DOCK10: variants seen among roughly 807,000 people sequenced by gnomAD.
DOCK10 encodes the protein dedicator of cytokinesis 10, also known as dedicator of cytokinesis protein 10.
DOCK10 carries 145 observed loss-of-function variants against 280.1 expected under a neutral mutation model. That is an observed-to-expected ratio of 0.52 (90% CI 0.45 to 0.59). DOCK10 has a LOEUF of 0.59. Among genes scored for constraint, DOCK10 ranks in the 20% least tolerant of loss-of-function variants. The probability of loss-of-function intolerance (pLI) is 0.00; values close to 1 mark genes in which losing one functional copy is unlikely to be tolerated. For synonymous variants in DOCK10, 915 were observed against 942.2 expected (o/e 0.97, Z 0.53); for missense variants, 2,368 against 2,651.7 (o/e 0.89, Z 2.35).
chr2:225,016,631 ACATATATCTAT>A (rs1559962980), intron 1 of DOCK10, among the ~76,000 whole-genome samples: 3,018 of 33,222 alleles, frequency 0.091, 365 homozygotes, highest in African/African-American at 0.28. Context: ...GCACATAGAT[ACATATATCTAT>A]GTGCACATAG....
chr2:224,824,522 T>C (rs543663101), intron 27 of DOCK10, among the ~76,000 whole-genome samples: 3 of 140,046 alleles, frequency 2.1e-5, no homozygotes, highest in African/African-American at 8.1e-5. Flanking sequence ...CTGCAACCTC[T>C]ACCTCCTCAG....
intron 13 of DOCK10, among the ~76,000 whole-genome samples, chr2:224,863,056 A>C (rs1043157341): frequency 6.6e-6 from 1 of 152,198 alleles, no homozygotes. Context: ...GTATTAGTAC[A>C]TTTACATTTA....
At chr2:224,867,736 T>A (rs1385739403) in intron 11 of DOCK10, among the ~76,000 whole-genome samples, 1 of 151,970 alleles carries the variant, frequency 6.6e-6, no homozygotes, top group Non-Finnish European at 1.5e-5. Context: ...GTAGGAAGCG[T>A]TTGTGGGAGA....
intron 1 of DOCK10, among the ~76,000 whole-genome samples, chr2:224,943,262 A>G (rs1267246280): frequency 6.6e-6 from 1 of 152,186 alleles, no homozygotes; most frequent in Admixed American, 6.5e-5. Context: ...TTTCTCAGAC[A>G]ATACACTTGA....
chr2:224,922,829 A>G (rs999380076), intron 2 of DOCK10, among the ~76,000 whole-genome samples: 1 of 152,210 alleles, frequency 6.6e-6, no homozygotes, highest in Non-Finnish European at 1.5e-5. Flanking sequence ...CCCCCTGTTC[A>G]AAAAGGAGGA....
chr2:224,894,160 T>C lies in DOCK10; in HGVS notation c.416+2135A>G, dbSNP rs570585050. On this transcript the variant is annotated intron_variant, in intron 4 of 55. Coordinates refer to ENST00000258390, the MANE Select transcript of DOCK10 (RefSeq NM_014689.3). Reference sequence around the variant, plus strand: ...ATTCTCAACAATACTTCAGTTAATTTTTTTTATTTCTTCTCATGAGATTAA... The same window carrying C: ...ATTCTCAACAATACTTCAGTTAATTCTTTTTATTTCTTCTCATGAGATTAA... Among the ~76,000 whole-genome samples the C allele has an allele frequency of 3.9e-5, 6 of 152,366 alleles. No individual in the cohort carries two copies. In the East Asian group the frequency reaches 1.2e-3, roughly 29 times the overall value.
At chr2:224,873,881 G>A in intron 11 of DOCK10, 115 bp downstream of exon 11, 1 of 1,081,112 alleles carries the variant, frequency 9.2e-7, no homozygotes, top group Non-Finnish European at 1.3e-6. Flanking sequence ...ATATTCCCTG[G>A]TACACTAGAG....
At chr2:224,925,100 G>A (rs571809248) in intron 2 of DOCK10, among the ~76,000 whole-genome samples, 14 of 151,836 alleles carry the variant, frequency 9.2e-5, no homozygotes, top group South Asian at 2.1e-4. Flanking sequence ...ACCAGGAGCC[G>A]TTTAAAAGCC....
At chr2:224,992,208 TG>T (rs1225246614) in intron 1 of DOCK10, among the ~76,000 whole-genome samples, 1 of 152,248 alleles carries the variant, frequency 6.6e-6, no homozygotes, top group Non-Finnish European at 1.5e-5. Context: ...TCTCTGTACT[TG>T]TTCTATTTTA....
intron 3 of DOCK10, among the ~76,000 whole-genome samples, chr2:224,902,621 T>C (rs1352850119): frequency 2.0e-5 from 3 of 152,128 alleles, no homozygotes; most frequent in South Asian, 4.2e-4. Context: ...CCTTAGAACA[T>C]GAGACTGTTC....
intron 23 of DOCK10, among the ~76,000 whole-genome samples, chr2:224,841,175 C>T (rs1695938183): frequency 6.6e-6 from 1 of 152,044 alleles, no homozygotes; most frequent in Non-Finnish European, 1.5e-5. Context: ...AGGAATATTG[C>T]ACAACATGGT....
rs371710976 is a variant in DOCK10, at chr2:224,895,991, C to T, written c.416+304G>A. On this transcript the variant is annotated intron_variant, in intron 4 of 55. Coordinates refer to ENST00000258390, the MANE Select transcript of DOCK10 (RefSeq NM_014689.3). ...AACTATTTGGCCATATGGTACTTTT[C>T]TAATCTTCTTGTGCCTGCTATTGAA... Among the ~76,000 whole-genome samples, 22 of 152,132 alleles carry T rather than the reference C, an allele frequency of 1.4e-4. 1 individual carries two copies. The highest frequency in any genetic ancestry group is 5.1e-4 in the African/African-American group (21 of 41,508).
chr2:224,901,653 C>T (rs946871820), intron 3 of DOCK10, among the ~76,000 whole-genome samples: 5 of 152,328 alleles, frequency 3.3e-5, no homozygotes, highest in Non-Finnish European at 7.3e-5. Flanking sequence ...CTGGGTCTCA[C>T]TTGAGATCCA....
At chr2:224,796,127 T>G (rs1403937478) in intron 44 of DOCK10, among the ~76,000 whole-genome samples, 189 bp downstream of exon 44, 1 of 152,010 alleles carries the variant, frequency 6.6e-6, no homozygotes, top group Admixed American at 6.6e-5. Flanking sequence ...GGTGCCATCA[T>G]AGCTCACTGC....
chr2:224,990,457 T>G (rs1706094560), intron 1 of DOCK10, among the ~76,000 whole-genome samples: 1 of 152,218 alleles, frequency 6.6e-6, no homozygotes, highest in African/African-American at 2.4e-5. Flanking sequence ...GCATCTAATA[T>G]TCACGTAAAG....
intron 47 of DOCK10, among the ~76,000 whole-genome samples, chr2:224,792,444 C>T (rs1692265160): frequency 6.6e-6 from 1 of 151,996 alleles, no homozygotes; most frequent in African/African-American, 2.4e-5. Flanking sequence ...CCACCATGCC[C>T]AGCTAAATTT....
intron 1 of DOCK10, among the ~76,000 whole-genome samples, chr2:224,948,882 T>A (rs1457747120): frequency 1.3e-5 from 2 of 152,196 alleles, no homozygotes; most frequent in East Asian, 3.8e-4. Context: ...CGACTTTCTG[T>A]CTGTCTAATA....
At chr2:225,013,129 G>C (rs964115188) in intron 1 of DOCK10, among the ~76,000 whole-genome samples, 1 of 152,106 alleles carries the variant, frequency 6.6e-6, no homozygotes, top group Non-Finnish European at 1.5e-5. Context: ...GATTAATCTT[G>C]AGTCAGATTA....
chr2:225,040,918 C>T (rs2106152074), intron 1 of DOCK10, among the ~76,000 whole-genome samples: 1 of 152,270 alleles, frequency 6.6e-6, no homozygotes, highest in South Asian at 2.1e-4. Context: ...GATAGCAGTA[C>T]CACATGCTGT....
Sources: gnomAD v4.1 joint callset for allele counts (sites outside exome capture counted in the v4.1 genomes callset) on GRCh38, gnomAD v4.1.1 for gene constraint, MANE v1.5 for transcripts, NCBI Gene and HGNC (gene_info 2026-07-23, HGNC 2026-07-21) for gene names.